Variants in ANKS1B observed in about 807,000 individuals in gnomAD.
ANKS1B encodes ankyrin repeat and sterile alpha motif domain-containing protein 1B.
ANKS1B carries 36 observed loss-of-function variants against 148.3 expected under a neutral mutation model. The ratio of observed to expected loss-of-function variants is 0.24; its 90% CI spans 0.19 to 0.32. ANKS1B has a LOEUF of 0.32. Among genes scored for constraint, ANKS1B ranks in the 10% least tolerant of loss-of-function variants. The pLI is 1.00. For missense variants in ANKS1B, 1,157 were observed against 1,542.6 expected (o/e 0.75, Z 4.19); for synonymous variants, 542 against 560.8 (o/e 0.97, Z 0.47).
At chr12:99,946,139 T>C (rs899765069) in intron 1 of ANKS1B, among the ~76,000 whole-genome samples, 1 of 152,056 alleles carries the variant, frequency 6.6e-6, no homozygotes, top group Non-Finnish European at 1.5e-5. Context: ...TAGACAGAGT[T>C]TTTAAAAAGA....
chr12:98,976,833 A>T (rs1389498888), intron 17 of ANKS1B, among the ~76,000 whole-genome samples: 1 of 152,270 alleles, frequency 6.6e-6, no homozygotes, highest in African/African-American at 2.4e-5. Flanking sequence ...CTTAATTGAA[A>T]AACAGTTGCT....
At chr12:99,549,798 A>G (rs1490673841) in intron 9 of ANKS1B, among the ~76,000 whole-genome samples, 1 of 152,214 alleles carries the variant, frequency 6.6e-6, no homozygotes, top group East Asian at 1.9e-4. Context: ...CCGCCATTCC[A>G]CAGACCCTGG....
At chr12:98,995,484 A>G (rs1352662756) in intron 17 of ANKS1B, among the ~76,000 whole-genome samples, 2 of 152,184 alleles carry the variant, frequency 1.3e-5, no homozygotes. Context: ...AGAACGCTAA[A>G]TGACTTGTCA....
intron 17 of ANKS1B, among the ~76,000 whole-genome samples, chr12:98,941,685 C>T (rs930011375): frequency 1.2e-4 from 18 of 152,164 alleles, no homozygotes; most frequent in African/African-American, 3.1e-4. Flanking sequence ...CTCGTGGTAG[C>T]GGGACTATGG....
intron 17 of ANKS1B, among the ~76,000 whole-genome samples, chr12:98,913,440 A>G (rs1451109968): frequency 6.6e-6 from 1 of 152,112 alleles, no homozygotes; most frequent in Non-Finnish European, 1.5e-5. Flanking sequence ...TGGATCCTCC[A>G]AGGTGCAGCT....
intron 1 of ANKS1B, among the ~76,000 whole-genome samples, chr12:99,982,743 T>C (rs937773136): frequency 6.6e-6 from 1 of 152,198 alleles, no homozygotes; most frequent in African/African-American, 2.4e-5. Context: ...GTCATCTCTA[T>C]GACCTATTGA....
intron 15 of ANKS1B, among the ~76,000 whole-genome samples, chr12:99,101,272 T>C (rs1163315565): frequency 1.3e-5 from 2 of 152,054 alleles, no homozygotes; most frequent in Admixed American, 6.6e-5. Flanking sequence ...ATCTGAAGTG[T>C]GGATTTGAAG....
chr12:99,773,631 T>A (rs979651402), intron 7 of ANKS1B, among the ~76,000 whole-genome samples: 2 of 152,126 alleles, frequency 1.3e-5, no homozygotes. Context: ...ATTTTGTAGA[T>A]TACATGAAAA....
chr12:98,875,066 A>T lies in ANKS1B; in HGVS notation c.2779-42930T>A, dbSNP rs530286359. Among the ~76,000 whole-genome samples, 62 of 152,350 alleles carry T rather than the reference A, an allele frequency of 4.1e-4. No homozygotes were observed. In the Middle Eastern group the frequency reaches 0.014, roughly 33 times the overall value. ...ACAGCAGCATCCATCGAAATACTGT[A>T]CCATCTGTGGACTAGAAACTACCCT... On this transcript the variant is annotated intron_variant, in intron 17 of 26. Coordinates refer to ENST00000683438, the MANE Select transcript of ANKS1B (RefSeq NM_001352186.2).
rs113670553 is a variant in ANKS1B, at chr12:98,836,515, A to G, written c.2779-4379T>C. On this transcript the variant is annotated intron_variant, in intron 17 of 26. Transcript: ENST00000683438. ...CAATAACAGAGAGAATATTCCAAAG[A>G]AAGATGGTCATTATGGAAAAGTCAA... Among the ~76,000 whole-genome samples, 125 of 152,274 alleles carry G rather than the reference A, an allele frequency of 8.2e-4. 3 individuals carry two copies. The highest frequency in any genetic ancestry group is 2.8e-3 in the African/African-American group (116 of 41,558).
chr12:99,662,500 A>C (rs2098482644), intron 8 of ANKS1B, among the ~76,000 whole-genome samples: 1 of 152,160 alleles, frequency 6.6e-6, no homozygotes, highest in South Asian at 2.1e-4. Context: ...ATGAAGAGTA[A>C]ATGAATGAAT....
intron 12 of ANKS1B, among the ~76,000 whole-genome samples, chr12:99,347,118 G>C (rs1360793778): frequency 6.6e-6 from 1 of 151,906 alleles, no homozygotes; most frequent in East Asian, 1.9e-4. Flanking sequence ...TAACACAGGG[G>C]ACTTGCCTTT....
chr12:99,055,726 G>C (rs200254322), intron 16 of ANKS1B, among the ~76,000 whole-genome samples: 36 of 150,516 alleles, frequency 2.4e-4, no homozygotes, highest in African/African-American at 4.4e-4. Context: ...AAACTTGGGG[G>C]GGGGGGAGGT....
rs927403289 is a variant in ANKS1B at position 99,042,396 on chromosome 12, G to T, written c.2778+10761C>A. On this transcript the variant is annotated intron_variant, in intron 17 of 26. Coordinates refer to ENST00000683438, the MANE Select transcript of ANKS1B (RefSeq NM_001352186.2). ...GCTGTTTCAGCTGAGACCACCCCAG[G>T]TCAGTCAACTCTCATATGCCAGAAG... Among the ~76,000 whole-genome samples the T allele has an allele frequency of 2.6e-5, 4 of 152,208 alleles. No homozygotes were observed. The East Asian group carries it at 7.7e-4, about 29-fold the overall frequency.
At chr12:99,461,287 A>G (rs1207319157) in intron 10 of ANKS1B, among the ~76,000 whole-genome samples, 2 of 151,896 alleles carry the variant, frequency 1.3e-5, no homozygotes, top group Non-Finnish European at 2.9e-5. Flanking sequence ...AAAGAGTGGA[A>G]GGGCAGTGAG....
At chr12:98,824,581 A>G (rs2099231933) in intron 19 of ANKS1B, among the ~76,000 whole-genome samples, 1 of 152,228 alleles carries the variant, frequency 6.6e-6, no homozygotes, top group Non-Finnish European at 1.5e-5. Context: ...CATTTTAAAG[A>G]CAAAAAAATT....
At chr12:99,709,253 C>G (rs1323052113) in intron 8 of ANKS1B, among the ~76,000 whole-genome samples, 1 of 152,116 alleles carries the variant, frequency 6.6e-6, no homozygotes, top group Non-Finnish European at 1.5e-5. Context: ...TACCTGCATG[C>G]TGTACTCATG....
intron 17 of ANKS1B, among the ~76,000 whole-genome samples, chr12:98,864,197 G>C (rs964735536): frequency 1.3e-5 from 2 of 151,510 alleles, no homozygotes; most frequent in East Asian, 3.9e-4. Context: ...CATACTTATG[G>C]TACGTGTGAT....
At chr12:99,814,516 C>T (rs78456069) in intron 2 of ANKS1B, among the ~76,000 whole-genome samples, 2 of 151,716 alleles carry the variant, frequency 1.3e-5, no homozygotes, top group African/African-American at 4.8e-5. Flanking sequence ...CTCCCCATTT[C>T]CCTGCCAAGC....
Sources: gnomAD v4.1 joint callset for allele counts (sites outside exome capture counted in the v4.1 genomes callset) on GRCh38, gnomAD v4.1.1 for gene constraint, MANE v1.5 for transcripts, NCBI Gene and HGNC (gene_info 2026-07-23, HGNC 2026-07-21) for gene names.